Variants in GLI3 observed in about 807,000 individuals in gnomAD.
GLI3 encodes the protein transcription activator GLI3.
Under a neutral mutation model 100.8 loss-of-function variants are expected in GLI3, and 20 were observed. That is an observed-to-expected ratio of 0.20 (90% CI 0.14 to 0.29). The LOEUF is 0.29. GLI3 is among the 10% of genes least tolerant of loss of function. The pLI, the probability that GLI3 is intolerant of heterozygous loss-of-function variation, is 1.00. For missense variants in GLI3, 2,040 were observed against 2,128.5 expected, an observed-to-expected ratio of 0.96 and a Z score of 0.82; for synonymous variants, 938 against 860.5, an observed-to-expected ratio of 1.09 and a Z score of -1.58.
At chr7:42,086,675 C>T (rs914843123) in intron 3 of GLI3, among the ~76,000 whole-genome samples, 3 of 152,056 alleles carry the variant, frequency 2.0e-5, no homozygotes, top group Admixed American at 2.0e-4. Flanking sequence ...CTCTTCAAGA[C>T]TCAATACAAA....
At position 42,020,117 on chromosome 7, in the gene GLI3, G is replaced by A. The variant is rs1028789440; in HGVS notation, c.1497+3351C>T. On this transcript the variant is annotated intron_variant, in intron 10 of 14. Coordinates refer to ENST00000395925, the MANE Select transcript of GLI3 (RefSeq NM_000168.6). The stretch of plus-strand genomic sequence containing the variant: ...ATAAAGGAGAAGAGAAAGGAAAGGC[G>A]AATGTTTAGCCCATCTGTTCAGATA... 4.6e-5 allele frequency among the ~76,000 whole-genome samples: 7 copies of A among 152,256 alleles called. No homozygotes were observed. In the South Asian group the frequency reaches 6.2e-4, roughly 14 times the overall value.
intron 1 of GLI3, among the ~76,000 whole-genome samples, chr7:42,245,278 A>G (rs1788959652): frequency 1.3e-5 from 2 of 152,338 alleles, no homozygotes; most frequent in Admixed American, 1.3e-4. Context: ...GTATTACAGT[A>G]CAGCCTGTAA....
At chr7:41,983,143 G>A (rs968680891) in intron 10 of GLI3, among the ~76,000 whole-genome samples, 7 of 152,134 alleles carry the variant, frequency 4.6e-5, no homozygotes, top group Non-Finnish European at 1.0e-4. Flanking sequence ...TTGGCCTATG[G>A]GCCATTGACT....
intron 2 of GLI3, among the ~76,000 whole-genome samples, chr7:42,204,510 C>T (rs553398122): frequency 6.6e-6 from 1 of 152,230 alleles, no homozygotes; most frequent in South Asian, 2.1e-4. Context: ...TTTACTTATC[C>T]AATTATAAAT....
At chr7:42,027,329 T>A (rs937559855) in intron 7 of GLI3, among the ~76,000 whole-genome samples, 9 of 152,186 alleles carry the variant, frequency 5.9e-5, no homozygotes, top group African/African-American at 2.2e-4. Flanking sequence ...AATAATTGCA[T>A]TCATGGAAAT....
At chr7:42,124,979 A>C (rs548369872) in intron 3 of GLI3, among the ~76,000 whole-genome samples, 55 of 152,338 alleles carry the variant, frequency 3.6e-4, no homozygotes, top group African/African-American at 1.3e-3. Context: ...TCATAAAGAC[A>C]ATGGGTCAAA....
At chr7:42,229,872 C>T (rs967103051) in intron 1 of GLI3, among the ~76,000 whole-genome samples, 1 of 152,052 alleles carries the variant, frequency 6.6e-6, no homozygotes, top group Admixed American at 6.5e-5. Context: ...GAGCAAAATG[C>T]AGGGAATTTT....
At chr7:42,087,837 C>T (rs560806131) in intron 3 of GLI3, among the ~76,000 whole-genome samples, 1 of 152,038 alleles carries the variant, frequency 6.6e-6, no homozygotes, top group Non-Finnish European at 1.5e-5. Context: ...CATTAAAAGG[C>T]TCCACTTTCT....
At chr7:42,138,832 G>A (rs752187339) in intron 3 of GLI3, among the ~76,000 whole-genome samples, 6 of 152,212 alleles carry the variant, frequency 3.9e-5, no homozygotes, top group South Asian at 2.1e-4. Context: ...CCCAGTGGAC[G>A]ACGTAAACAC....
rs555843970 is a variant in GLI3, at chr7:42,157,702, ATTTG to A, written c.125-9238_125-9235del. On this transcript the variant is annotated intron_variant, in intron 2 of 14. Transcript: ENST00000395925. Reference sequence around the variant, plus strand: ...ATCATTTAGAGTACAGAAAAAGCTGATTTGTTTGTCTTTTATTTTTAATTCTATG... The same window carrying A: ...ATCATTTAGAGTACAGAAAAAGCTGATTTGTCTTTTATTTTTAATTCTATG... Among the ~76,000 whole-genome samples the A allele has an allele frequency of 1.8e-3, 280 of 152,316 alleles. 2 individuals carry two copies. The highest frequency in any genetic ancestry group is 2.7e-3 in the East Asian group (14 of 5,186).
At chr7:42,160,439 T>G (rs1787105166) in intron 2 of GLI3, among the ~76,000 whole-genome samples, 1 of 152,354 alleles carries the variant, frequency 6.6e-6, no homozygotes, top group South Asian at 2.1e-4. Flanking sequence ...ATGCTTCACA[T>G]ACACCTCATA....
chr7:42,082,539 C>A (rs988033289), intron 3 of GLI3, among the ~76,000 whole-genome samples: 2 of 152,148 alleles, frequency 1.3e-5, no homozygotes, highest in Non-Finnish European at 2.9e-5. Flanking sequence ...GTGCTACCCC[C>A]ACAGGGCCCC....
chr7:42,160,129 A>G (rs1351498818), intron 2 of GLI3, among the ~76,000 whole-genome samples: 2 of 152,170 alleles, frequency 1.3e-5, no homozygotes, highest in Non-Finnish European at 2.9e-5. Context: ...GGGTATTGTG[A>G]GGGTTAAACA....
intron 6 of GLI3, among the ~76,000 whole-genome samples, chr7:42,043,822 CTTATTTTAATTCT>C (rs1354564111): frequency 6.6e-6 from 1 of 152,178 alleles, no homozygotes; most frequent in African/African-American, 2.4e-5. Context: ...AGGATTCTCT[CTTATTTTAATTCT>C]TTATTTGCAG....
chr7:42,232,213 T>C (rs1195271055), intron 1 of GLI3, among the ~76,000 whole-genome samples: 1 of 152,106 alleles, frequency 6.6e-6, no homozygotes, highest in Non-Finnish European at 1.5e-5. Flanking sequence ...ACAATTTATA[T>C]GTACAGTGCA....
chr7:42,181,887 C>T (rs936893250), intron 2 of GLI3, among the ~76,000 whole-genome samples: 1 of 152,160 alleles, frequency 6.6e-6, no homozygotes, highest in Non-Finnish European at 1.5e-5. Context: ...CCGAACTTTC[C>T]AGGAACTAGT....
intron 3 of GLI3, among the ~76,000 whole-genome samples, chr7:42,131,376 A>C (rs1224073706): frequency 2.0e-5 from 3 of 152,142 alleles, no homozygotes; most frequent in Non-Finnish European, 4.4e-5. Context: ...AACTACCAAA[A>C]AGCAACATGA....
intron 5 of GLI3, among the ~76,000 whole-genome samples, chr7:42,047,419 C>T (rs1784266492): frequency 6.6e-6 from 1 of 152,164 alleles, no homozygotes; most frequent in Admixed American, 6.5e-5. Context: ...TCAAGCACTG[C>T]TCAGTGAAAT....
chr7:42,207,426 G>A (rs1224055060), intron 2 of GLI3, among the ~76,000 whole-genome samples: 2 of 152,186 alleles, frequency 1.3e-5, no homozygotes, highest in African/African-American at 4.8e-5. Context: ...AGCGAGGTAA[G>A]GTTTTCACCT....
Sources: allele counts gnomAD v4.1 joint callset (sites outside exome capture counted in the v4.1 genomes callset), GRCh38; gene constraint gnomAD v4.1.1; transcripts MANE v1.5; gene names NCBI Gene and HGNC (gene_info 2026-07-23, HGNC 2026-07-21).